RTN1: variants seen among roughly 807,000 people sequenced by gnomAD.
RTN1 encodes reticulon-1.
RTN1 carries 25 observed loss-of-function variants against 65.5 expected under a neutral mutation model. That is an observed-to-expected ratio of 0.38 (90% CI 0.28 to 0.53). The LOEUF is 0.53. Ranked by LOEUF, RTN1 falls within the 20% of genes least tolerant of loss-of-function variation. The pLI, the probability that RTN1 is intolerant of heterozygous loss-of-function variation, is 0.79. For synonymous variants in RTN1, 471 were observed against 447.6 expected (o/e 1.05, Z -0.66); for missense variants, 983 against 1,025.4 (o/e 0.96, Z 0.57).
At chr14:59,852,583 TC>T (rs1034723169) in intron 1 of RTN1, among the ~76,000 whole-genome samples, 4 of 152,164 alleles carry the variant, frequency 2.6e-5, no homozygotes, top group Non-Finnish European at 5.9e-5. Context: ...TGATGATGCA[TC>T]ACTTATCTGG....
intron 3 of RTN1, among the ~76,000 whole-genome samples, chr14:59,662,873 A>G (rs1163967548): frequency 6.6e-6 from 1 of 152,184 alleles, no homozygotes; most frequent in African/African-American, 2.4e-5. Flanking sequence ...TGCTATCCTC[A>G]TCAAGCTACC....
chr14:59,621,892 G>A lies in RTN1; in HGVS notation c.1766-14400C>T, dbSNP rs187687340. On this transcript the variant is annotated intron_variant, in intron 3 of 8. Coordinates refer to ENST00000267484, the MANE Select transcript of RTN1 (RefSeq NM_021136.3). ...TTATAAGGTAAAATGTGACATAAGC[G>A]GATACTATAAAATAGCAATAAATTG... 2.9e-4 allele frequency among the ~76,000 whole-genome samples: 44 copies of A among 152,218 alleles called. No homozygotes were observed. In the East Asian group the frequency reaches 3.9e-3, roughly 13 times the overall value.
chr14:59,609,908 ATC>A (rs1459695109), intron 3 of RTN1, among the ~76,000 whole-genome samples: 1 of 152,224 alleles, frequency 6.6e-6, no homozygotes, highest in Non-Finnish European at 1.5e-5. Context: ...ATAAATGGTA[ATC>A]TGTTTTATGA....
rs545652920 is a variant in RTN1, at chr14:59,713,230, G to A, written c.1765+13689C>T. ...TGAAAAGGGGATGTGCAATCAAAAC[G>A]ATACGGTGTCTTGAGGGAGGGAATC... On this transcript the variant is annotated intron_variant, in intron 3 of 8. Transcript: ENST00000267484. 9.2e-5 allele frequency among the ~76,000 whole-genome samples: 14 copies of A among 152,256 alleles called. No individual in the cohort carries two copies. The South Asian group carries it at 2.9e-3, about 32-fold the overall frequency.
At chr14:59,791,234 T>C (rs1886342100) in intron 1 of RTN1, among the ~76,000 whole-genome samples, 1 of 152,212 alleles carries the variant, frequency 6.6e-6, no homozygotes, top group African/African-American at 2.4e-5. Flanking sequence ...CCGTGTGTTT[T>C]CTTTTCCTTG....
rs746155887 is a variant in RTN1, at chr14:59,727,039, T to C, written c.1645A>G (p.Met549Val). Residue 549 changes from methionine (M) to valine (V), a missense_variant, in exon 3 of 9, where the codon ATG becomes GTG. This residue lies in a region of RTN1 where 818 missense variants were observed against 801.8 expected (regional missense o/e 1.02). Coordinates refer to ENST00000267484, the MANE Select transcript of RTN1 (RefSeq NM_021136.3). This position sits in a 1 kb window ranked among gnomAD's most constrained non-coding sequence, Gnocchi z 4.2. The stretch of plus-strand genomic sequence containing the variant: ...TCTTCTTCAGGCTTCCGTGGCAACA[T>C]GGGCGTCTCAGGCTCCAGGGCTCCG... ...GDGALEPETP[M>V]LPRKPEEDSS... is the part of the protein sequence containing the mutation. 3 of 1,613,478 alleles carry C rather than the reference T, an allele frequency of 1.9e-6. No homozygotes were observed. Among genetic ancestry groups the C allele is most frequent in the Non-Finnish European group, 1.7e-6 (2 of 1,179,748 alleles).
rs1197870885 is a variant in RTN1 at position 59,749,115 on chromosome 14, T to G, written c.242-2634A>C. Among the ~76,000 whole-genome samples, 20 of 47,266 alleles carry G rather than the reference T, an allele frequency of 4.2e-4. 1 individual carries two copies. The highest frequency in any genetic ancestry group is 3.1e-3 in the East Asian group (6 of 1,948). 31.0% of individuals were successfully genotyped at this position (47,266 alleles called of 152,430 possible). On this transcript the variant is annotated intron_variant, in intron 1 of 8. Transcript: ENST00000267484. ...CTATATATATATCTATATATATATA[T>G]ATATATATAGATATATCTATATCTA...
At chr14:59,764,552 C>T (rs566837985) in intron 1 of RTN1, among the ~76,000 whole-genome samples, 1 of 152,208 alleles carries the variant, frequency 6.6e-6, no homozygotes, top group Non-Finnish European at 1.5e-5. Context: ...GAACTCCTGA[C>T]CTCTGGCAAT....
chr14:59,618,948 T>C (rs375486274), intron 3 of RTN1, among the ~76,000 whole-genome samples: 5 of 152,324 alleles, frequency 3.3e-5, no homozygotes, highest in African/African-American at 1.2e-4. Flanking sequence ...GCTGGGAATA[T>C]TGAACAATCT....
chr14:59,699,001 T>G (rs1002754582), intron 3 of RTN1, among the ~76,000 whole-genome samples: 1 of 152,172 alleles, frequency 6.6e-6, no homozygotes, highest in Non-Finnish European at 1.5e-5. Flanking sequence ...CTGGAGTAGA[T>G]TCAAATATTG....
chr14:59,716,897 G>A (rs1399225869), intron 3 of RTN1, among the ~76,000 whole-genome samples: 1 of 151,826 alleles, frequency 6.6e-6, no homozygotes, highest in Non-Finnish European at 1.5e-5. Flanking sequence ...GAACCCAGGA[G>A]GCGGAGCTTG....
At chr14:59,786,248 A>T (rs1057435418) in intron 1 of RTN1, among the ~76,000 whole-genome samples, 1 of 152,190 alleles carries the variant, frequency 6.6e-6, no homozygotes, top group African/African-American at 2.4e-5. Context: ...TTGCAGTCAG[A>T]TAGGCCTAGG....
intron 3 of RTN1, among the ~76,000 whole-genome samples, chr14:59,638,925 G>A (rs868213550): frequency 3.3e-5 from 5 of 152,140 alleles, no homozygotes; most frequent in African/African-American, 1.2e-4. Flanking sequence ...ATAACTGTTT[G>A]GCCTTGCTTT....
intron 3 of RTN1, among the ~76,000 whole-genome samples, chr14:59,620,545 C>G (rs1882227370): frequency 6.6e-6 from 1 of 152,196 alleles, no homozygotes; most frequent in African/African-American, 2.4e-5. Flanking sequence ...TACTTTTGAT[C>G]TATTAATACA....
intron 1 of RTN1, among the ~76,000 whole-genome samples, chr14:59,767,033 C>A (rs1477668391): frequency 6.6e-6 from 1 of 152,114 alleles, no homozygotes; most frequent in Non-Finnish European, 1.5e-5. Flanking sequence ...AACCAAACAA[C>A]AACAACAAAA....
At chr14:59,869,332 C>A (rs551668989) in intron 1 of RTN1, among the ~76,000 whole-genome samples, 1 of 151,982 alleles carries the variant, frequency 6.6e-6, no homozygotes, top group African/African-American at 2.4e-5. Flanking sequence ...CCTTCTAGCT[C>A]TACATTGCCA....
At chr14:59,746,558 C>T (rs1885232022) in intron 1 of RTN1, 77 bp from the exon 2 acceptor site, 1 of 1,270,054 alleles carries the variant, frequency 7.9e-7, no homozygotes, top group Non-Finnish European at 1.1e-6. Flanking sequence ...CACCACCCAC[C>T]CCTGCCTGGT....
intron 3 of RTN1, among the ~76,000 whole-genome samples, chr14:59,608,486 G>A (rs1881837720): frequency 6.6e-6 from 1 of 152,198 alleles, no homozygotes; most frequent in East Asian, 1.9e-4. Flanking sequence ...TATTGAAAAA[G>A]TCACATGCCC....
chr14:59,714,498 G>C (rs539335178), intron 3 of RTN1, among the ~76,000 whole-genome samples: 13 of 152,136 alleles, frequency 8.5e-5, no homozygotes, highest in Non-Finnish European at 1.9e-4. Context: ...AGGAGCCCAG[G>C]TTCCTTCTCC....
Sources: gnomAD v4.1 joint callset for allele counts (sites outside exome capture counted in the v4.1 genomes callset) on GRCh38, gnomAD v4.1.1 for gene constraint, gnomAD v4.1.1 regional missense constraint, Gnocchi (gnomAD v3.1) non-coding constraint, MANE v1.5 for transcripts, NCBI Gene and HGNC (gene_info 2026-07-23, HGNC 2026-07-21) for gene names.